Variants in BIN1 observed in about 807,000 individuals in gnomAD.
BIN1 encodes the protein bridging integrator 1, also known as myc box-dependent-interacting protein 1.
Under a neutral mutation model 82.0 loss-of-function variants are expected in BIN1, and 53 were observed. The ratio of observed to expected loss-of-function variants is 0.65; its 90% CI spans 0.52 to 0.81. The LOEUF (loss-of-function observed/expected upper bound fraction) is 0.81, where lower values mean the gene tolerates loss of function less well. Ranked by LOEUF, BIN1 falls within the 40% of genes least tolerant of loss-of-function variation. The probability of loss-of-function intolerance (pLI) is 0.00; values close to 1 mark genes in which losing one functional copy is unlikely to be tolerated. For synonymous variants in BIN1, 302 were observed against 328.0 expected, an observed-to-expected ratio of 0.92 and a Z score of 0.86; for missense variants, 642 against 784.4, an observed-to-expected ratio of 0.82 and a Z score of 2.17.
intron 10 of BIN1, among the ~76,000 whole-genome samples, chr2:127,061,686 ATCCAGGGACATGAGCTTT>A (rs1399561245): frequency 5.9e-5 from 9 of 152,178 alleles, no homozygotes; most frequent in Non-Finnish European, 1.2e-4. Flanking sequence ...GAATGCTGCC[ATCCAGGGACATGAGCTTT>A]TCCAGGAGCA....
chr2:127,059,070 C>T lies in BIN1; in HGVS notation c.943G>A (p.Glu315Lys), dbSNP rs769801396. The T allele has an allele frequency of 6.3e-7, 1 of 1,586,212 alleles. No individual in the cohort carries two copies. Among genetic ancestry groups the T allele is most frequent in the East Asian group, 2.3e-5 (1 of 43,746 alleles). Residue 315 changes from glutamate (E) to lysine (K), a missense_variant, in exon 11 of 19, where the codon GAG (glutamate) becomes AAG (lysine). Physicochemically the swap from Glu to Lys is moderately conservative, Grantham distance 56. Coordinates refer to ENST00000316724, the MANE Select transcript of BIN1 (RefSeq NM_139343.3). This position sits in a 1 kb window ranked among gnomAD's most constrained non-coding sequence, Gnocchi z 6.7. ...AATPEIRVNH[E>K]PEPAGGATPG... ...GTGGCCCCGCCGGCCGGCTCTGGCT[C>T]GTGGTTGACTCTGATCTCGGGGGTG... is the stretch of plus-strand genomic sequence containing the variant.
At chr2:127,095,866 C>A (rs1399952522) in intron 1 of BIN1, among the ~76,000 whole-genome samples, 1 of 152,204 alleles carries the variant, frequency 6.6e-6, no homozygotes, top group Non-Finnish European at 1.5e-5. Flanking sequence ...GCTCTGCCCC[C>A]CTGAACCTTC....
chr2:127,052,686 T>G, intron 14 of BIN1: 1 of 383,768 alleles, frequency 2.6e-6, no homozygotes, highest in Non-Finnish European at 4.8e-6. Context: ...CCTCCAGAGC[T>G]CCCAGGAGCC....
At chr2:127,089,215 T>C (rs771793631) in intron 1 of BIN1, among the ~76,000 whole-genome samples, 17 of 152,104 alleles carry the variant, frequency 1.1e-4, no homozygotes, top group Non-Finnish European at 2.4e-4. Context: ...TGAGGAGCTT[T>C]AACCACTGCA....
In BIN1 at chr2:127,048,418, C is replaced by T. The variant is rs1262955836; in HGVS notation, c.*108G>A. ...TGCCTGGGGGTCTCCTCTTGATTTCCCTTTGCTCTTCAAAAGATGAAAAAC... is the reference window on the plus strand; with the variant it reads ...TGCCTGGGGGTCTCCTCTTGATTTCTCTTTGCTCTTCAAAAGATGAAAAAC... On this transcript the variant is annotated 3_prime_UTR_variant, in exon 19 of 19. Transcript: ENST00000316724. 3.6e-6 allele frequency: 4 copies of T among 1,101,906 alleles called. No individual in the cohort carries two copies. The highest frequency in any genetic ancestry group is 5.4e-6 in the Non-Finnish European group (4 of 734,136). The allele number at this position is 1,101,906 out of a possible 1,614,324, so 68.3% of individuals were successfully genotyped here.
At position 127,062,145 on chromosome 2, in the gene BIN1, C is replaced by T. The variant is rs1327705608; in HGVS notation, c.827G>A (p.Ser276Asn). 6.2e-7 allele frequency: 1 copy of T among 1,610,958 alleles called. No homozygotes were observed. Among genetic ancestry groups the T allele is most frequent in the Non-Finnish European group, 8.5e-7 (1 of 1,178,906 alleles). ...CTGGGCCTTGACCGTGAAGGTGTTGCTCCCGTGTTGCTTCTCCAGGCCGAC... is the reference window on the plus strand; with the variant it reads ...CTGGGCCTTGACCGTGAAGGTGTTGTTCCCGTGTTGCTTCTCCAGGCCGAC... ...VLVGLEKQHGSNTFTVKAQPS... is the reference protein window; with the variant it reads ...VLVGLEKQHGNNTFTVKAQPS... Residue 276 changes from serine to asparagine, a missense_variant, in exon 10 of 19, where the codon AGC (serine) becomes AAC (asparagine). Physicochemically the swap from Ser to Asn is conservative, Grantham distance 46. Coordinates refer to ENST00000316724, the MANE Select transcript of BIN1 (RefSeq NM_139343.3).
intron 2 of BIN1, among the ~76,000 whole-genome samples, chr2:127,071,380 G>T (rs1465106407): frequency 1.3e-5 from 2 of 152,220 alleles, no homozygotes; most frequent in East Asian, 3.9e-4. Flanking sequence ...TACAGCAGGG[G>T]TGCAGAATGC....
At chr2:127,056,047 G>A (rs7559904) in intron 12 of BIN1, 3,844 of 152,426 alleles carry the variant, frequency 0.025, 69 homozygotes, top group Non-Finnish European at 0.029. Context: ...TTGCTCTGGC[G>A]TGGGCCCGCG....
At chr2:127,070,153 C>A in intron 4 of BIN1, 63 bp from the exon 5 acceptor site, 1 of 1,396,542 alleles carries the variant, frequency 7.2e-7, no homozygotes, top group Admixed American at 1.7e-5. Flanking sequence ...CCCCAGCGCT[C>A]ACCTCGCAGG....
intron 1 of BIN1, among the ~76,000 whole-genome samples, chr2:127,100,156 G>A (rs1476739489): frequency 1.3e-5 from 2 of 152,118 alleles, no homozygotes; most frequent in African/African-American, 4.8e-5. Context: ...TACTATTTGG[G>A]AAAAAACACA....
chr2:127,088,159 G>A (rs1023852346), intron 1 of BIN1, among the ~76,000 whole-genome samples: 3 of 152,234 alleles, frequency 2.0e-5, no homozygotes, highest in Middle Eastern at 3.2e-3. Context: ...GAGCTGGCCA[G>A]ACGCAGGAGG....
intron 1 of BIN1, among the ~76,000 whole-genome samples, chr2:127,102,610 G>A (rs1358577868): frequency 1.3e-5 from 2 of 152,192 alleles, no homozygotes; most frequent in Non-Finnish European, 2.9e-5. Flanking sequence ...GCCTGTGCCT[G>A]GCTTGGTCCC....
rs374227714 is a variant in BIN1, at chr2:127,050,401, C to A, written c.1674+20G>T. On this transcript the variant is annotated intron_variant, in intron 18 of 18. Coordinates refer to ENST00000316724, the MANE Select transcript of BIN1 (RefSeq NM_139343.3). ...TGCCTGTGGTCCCCCTGCGCTCTGG[C>A]GGCCCCACCCAGCCCTCACCTGCTC... 3.1e-6 allele frequency: 5 copies of A among 1,613,100 alleles called. No homozygotes were observed. Among genetic ancestry groups the A allele is most frequent in the Non-Finnish European group, 4.2e-6 (5 of 1,179,392 alleles).
intron 1 of BIN1, among the ~76,000 whole-genome samples, chr2:127,086,136 A>G (rs1678127965): frequency 1.3e-5 from 2 of 152,096 alleles, no homozygotes; most frequent in Non-Finnish European, 2.9e-5. Context: ...TGAGGTGATG[A>G]CCGTTGGTCC....
chr2:127,092,838 A>G (rs1384437932), intron 1 of BIN1, among the ~76,000 whole-genome samples: 1 of 152,152 alleles, frequency 6.6e-6, no homozygotes, highest in Non-Finnish European at 1.5e-5. Flanking sequence ...AGGTCCCAGA[A>G]GCCACAGCCC....
At chr2:127,065,135 G>GACACC (rs1429179622) in intron 7 of BIN1, among the ~76,000 whole-genome samples, 1 of 152,216 alleles carries the variant, frequency 6.6e-6, no homozygotes, top group Non-Finnish European at 1.5e-5. Flanking sequence ...TCCAGCCTCA[G>GACACC]ACACCAGGAC....
chr2:127,103,879 C>T (rs1170254595), intron 1 of BIN1, among the ~76,000 whole-genome samples: 2 of 152,278 alleles, frequency 1.3e-5, no homozygotes, highest in Non-Finnish European at 2.9e-5. Context: ...ACGGCGCCCA[C>T]AGGCTCAAGC....
At chr2:127,077,008 A>AC (rs1686698038) in intron 1 of BIN1, among the ~76,000 whole-genome samples, 1 of 152,006 alleles carries the variant, frequency 6.6e-6, no homozygotes, top group African/African-American at 2.4e-5. Context: ...AGGATCGGGC[A>AC]CCCTCCTAGC....
chr2:127,052,321 G>A lies in BIN1; in HGVS notation c.1305C>T (p.Pro435=), dbSNP rs1202386291. The A allele has an allele frequency of 5.7e-6, 9 of 1,587,314 alleles. No individual in the cohort carries two copies. Among genetic ancestry groups the A allele is most frequent in the East Asian group, 2.3e-5 (1 of 43,718 alleles). ...CAGCAAAGGTGCCCTCGGCAGCGCT[G>A]GGCTCCCCGGAAGGCAGGCTGCCGG... is the stretch of plus-strand genomic sequence containing the variant. ...SPAGSLPSGE[P]SAAEGTFAVS... is the part of the protein sequence containing the mutation. Residue 435 remains proline, a synonymous_variant, in exon 15 of 19, where the codon CCC becomes CCT. Coordinates refer to ENST00000316724, the MANE Select transcript of BIN1 (RefSeq NM_139343.3).
Sources: gnomAD v4.1 joint callset for allele counts (sites outside exome capture counted in the v4.1 genomes callset) on GRCh38, gnomAD v4.1.1 for gene constraint, Gnocchi (gnomAD v3.1) non-coding constraint, MANE v1.5 for transcripts, NCBI Gene and HGNC (gene_info 2026-07-23, HGNC 2026-07-21) for gene names.